CHST8: variants seen among roughly 807,000 people sequenced by gnomAD.
CHST8 encodes the protein GALNAC-4-ST1.
A neutral mutation model predicts 15.0 loss-of-function variants in CHST8; 10 were observed. The observed-to-expected ratio is 0.67, with a 90% CI of 0.41 to 1.13. The LOEUF (loss-of-function observed/expected upper bound fraction) is 1.13. Among genes scored for constraint, CHST8 ranks in the 50% most tolerant of loss-of-function variants. The probability of loss-of-function intolerance (pLI) is 0.00; values close to 1 mark genes in which losing one functional copy is unlikely to be tolerated. For missense variants in CHST8, 634 were observed against 608.2 expected (o/e 1.04, Z -0.45); for synonymous variants, 259 against 256.6 (o/e 1.01, Z -0.09).
intron 3 of CHST8, among the ~76,000 whole-genome samples, chr19:33,693,788 G>A (rs954411110): frequency 9.9e-5 from 15 of 151,908 alleles, no homozygotes; most frequent in African/African-American, 3.4e-4. Flanking sequence ...TGGGGGACAG[G>A]AATTCATGGG....
intron 3 of CHST8, among the ~76,000 whole-genome samples, chr19:33,718,283 ATCATAGC>A (rs56218877): frequency 0.55 from 82,038 of 149,890 alleles, 22,893 homozygotes; most frequent in East Asian, 0.87. Context: ...CAGTGGCCCA[ATCATAGC>A]TCACTGCTGC....
intron 3 of CHST8, among the ~76,000 whole-genome samples, chr19:33,696,606 A>G (rs1973221541): frequency 6.6e-6 from 1 of 152,030 alleles, no homozygotes; most frequent in African/African-American, 2.4e-5. Flanking sequence ...TGCACAATAA[A>G]TGTAACGTGC....
chr19:33,634,843 C>T (rs868698174), intron 1 of CHST8, among the ~76,000 whole-genome samples: 8 of 152,098 alleles, frequency 5.3e-5, no homozygotes, highest in Admixed American at 6.6e-5. Flanking sequence ...GGCGGGGACT[C>T]GTTAGTCAAC....
chr19:33,729,101 AC>A (rs1416566512), intron 3 of CHST8, among the ~76,000 whole-genome samples: 4 of 152,144 alleles, frequency 2.6e-5, no homozygotes, highest in Admixed American at 6.5e-5. Flanking sequence ...GCAACAGGAT[AC>A]CCTGCAATTT....
chr19:33,703,387 C>A (rs1973382682), intron 3 of CHST8, among the ~76,000 whole-genome samples: 1 of 152,246 alleles, frequency 6.6e-6, no homozygotes, highest in Non-Finnish European at 1.5e-5. Flanking sequence ...TCCACCCACG[C>A]TCCAAGGACA....
rs115454059 is a variant in CHST8, at chr19:33,683,751, A to C, written c.-86-5425A>C. Among the ~76,000 whole-genome samples the C allele has an allele frequency of 4.2e-3, 647 of 152,272 alleles. 6 individuals carry two copies. The highest frequency in any genetic ancestry group is 0.015 in the African/African-American group (623 of 41,558). ...AGGTGCTGGGAATACAAAGATGGGG[A>C]GAGGCCTCGATGCGATTCCCGATTC... On this transcript the variant is annotated intron_variant, in intron 2 of 4. Coordinates refer to ENST00000650847, the MANE Select transcript of CHST8 (RefSeq NM_001127895.2).
chr19:33,655,942 T>G (rs1051754400), intron 1 of CHST8, among the ~76,000 whole-genome samples: 1 of 152,172 alleles, frequency 6.6e-6, no homozygotes, highest in African/African-American at 2.4e-5. Context: ...TTTTTCTAAT[T>G]TTTTAAGTTG....
At chr19:33,697,219 A>G (rs1232516420) in intron 3 of CHST8, among the ~76,000 whole-genome samples, 1 of 151,718 alleles carries the variant, frequency 6.6e-6, no homozygotes, top group Non-Finnish European at 1.5e-5. Context: ...CTCTTCATTT[A>G]ATGCTTTATT....
intron 1 of CHST8, among the ~76,000 whole-genome samples, chr19:33,629,079 C>T (rs1175157135): frequency 6.6e-6 from 1 of 152,190 alleles, no homozygotes; most frequent in Non-Finnish European, 1.5e-5. Flanking sequence ...GCCCAGTGCC[C>T]ATAGCTCCAT....
At chr19:33,676,852 A>G (rs1355862486) in intron 2 of CHST8, among the ~76,000 whole-genome samples, 5 of 151,922 alleles carry the variant, frequency 3.3e-5, no homozygotes, top group African/African-American at 1.2e-4. Context: ...ACTCCAGCCC[A>G]GGTGACAGAG....
chr19:33,701,991 T>A (rs1973346854), intron 3 of CHST8, among the ~76,000 whole-genome samples: 1 of 152,222 alleles, frequency 6.6e-6, no homozygotes, highest in Non-Finnish European at 1.5e-5. Context: ...TGTTTGTTTG[T>A]TTGTTTTTGT....
In CHST8 at chr19:33,772,752, G is replaced by C. The variant is rs374073726; in HGVS notation, c.964G>C (p.Val322Leu). Residue 322 changes from valine (V) to leucine (L), a missense_variant, in exon 5 of 5, where the codon GTG (valine) becomes CTG (leucine). Transcript: ENST00000650847. ...GTACCTGCTGGACGTGCACCGGCCCGTGGGGATGGACATTCACTGGGACCA... is the reference window on the plus strand; with the variant it reads ...GTACCTGCTGGACGTGCACCGGCCCCTGGGGATGGACATTCACTGGGACCA... ...VQYLLDVHRPVGMDIHWDHVS... is the reference protein window; with the variant it reads ...VQYLLDVHRPLGMDIHWDHVS... 6.2e-7 allele frequency: 1 copy of C among 1,613,426 alleles called. No individual in the cohort carries two copies. Among genetic ancestry groups the C allele is most frequent in the Non-Finnish European group, 8.5e-7 (1 of 1,180,018 alleles).
chr19:33,674,201 T>C (rs1972780654), intron 2 of CHST8, among the ~76,000 whole-genome samples: 1 of 152,224 alleles, frequency 6.6e-6, no homozygotes. Flanking sequence ...GCTCTGGCCC[T>C]GGCTAGAGGC....
At chr19:33,650,755 T>C (rs1361671328) in intron 1 of CHST8, among the ~76,000 whole-genome samples, 2 of 151,956 alleles carry the variant, frequency 1.3e-5, no homozygotes, top group Non-Finnish European at 2.9e-5. Context: ...TCACCCAGGC[T>C]GGAGTTCAGT....
At chr19:33,640,531 T>C (rs1202889467) in intron 1 of CHST8, among the ~76,000 whole-genome samples, 1 of 152,238 alleles carries the variant, frequency 6.6e-6, no homozygotes, top group Non-Finnish European at 1.5e-5. Flanking sequence ...ATGTTTTTAA[T>C]TTCTCCTGCT....
At chr19:33,647,435 T>G (rs1972368494) in intron 1 of CHST8, among the ~76,000 whole-genome samples, 1 of 152,168 alleles carries the variant, frequency 6.6e-6, no homozygotes, top group African/African-American at 2.4e-5. Flanking sequence ...CAGGCAAGAA[T>G]GGCTTTGGTG....
chr19:33,742,683 C>T (rs555621709), intron 3 of CHST8, among the ~76,000 whole-genome samples: 192 of 152,316 alleles, frequency 1.3e-3, no homozygotes, highest in Non-Finnish European at 1.7e-3. Context: ...CTTGGGACAG[C>T]TGATCACCCC....
At chr19:33,634,781 G>A (rs765666952) in intron 1 of CHST8, among the ~76,000 whole-genome samples, 22 of 151,844 alleles carry the variant, frequency 1.4e-4, no homozygotes, top group Admixed American at 3.9e-4. Context: ...AGACCTGCTG[G>A]GTTGAAGGGT....
intron 3 of CHST8, among the ~76,000 whole-genome samples, chr19:33,693,825 C>T (rs1052133327): frequency 6.6e-5 from 10 of 151,876 alleles, no homozygotes; most frequent in African/African-American, 9.7e-5. Flanking sequence ...CATCAGGAGG[C>T]TCCTGTCTGC....
Sources: allele counts gnomAD v4.1 joint callset (sites outside exome capture counted in the v4.1 genomes callset), GRCh38; gene constraint gnomAD v4.1.1; transcripts MANE v1.5; gene names NCBI Gene and HGNC (gene_info 2026-07-23, HGNC 2026-07-21).